CTBS: variants seen among roughly 807,000 people sequenced by gnomAD.
CTBS encodes chitobiase.
Under a neutral mutation model 44.3 loss-of-function variants are expected in CTBS, and 35 were observed. That is an observed-to-expected ratio of 0.79 (90% CI 0.60 to 1.05). The LOEUF (loss-of-function observed/expected upper bound fraction) is 1.05, where lower values mean the gene tolerates loss of function less well. CTBS is among the 50% of genes least tolerant of loss of function. CTBS has a pLI of 0.00. For missense variants in CTBS, 458 were observed against 475.3 expected (o/e 0.96, Z 0.34); for synonymous variants, 143 against 168.0 (o/e 0.85, Z 1.15).
At position 84,554,940 on chromosome 1, in the gene CTBS, A is replaced by G; in HGVS notation, c.*59T>C. The stretch of plus-strand genomic sequence containing the variant: ...TATAGCAACATAATAAAAATGCAAG[A>G]AACTAGATCTGTTGATACAGATCAT... On this transcript the variant is annotated 3_prime_UTR_variant, in exon 7 of 7. Coordinates refer to ENST00000370630, the MANE Select transcript of CTBS (RefSeq NM_004388.3). The G allele has an allele frequency of 2.2e-6, 3 of 1,357,886 alleles. No individual in the cohort carries two copies. In the South Asian group the frequency reaches 3.8e-5, roughly 17 times the overall value. 84.1% of individuals were successfully genotyped at this position (1,357,886 alleles called of 1,614,324 possible). A position where few individuals can be genotyped will look rare whatever the true frequency, so the allele number is the denominator to read the frequency against.
intron 1 of CTBS, chr1:84,573,852 TG>T: frequency 9.3e-7 from 1 of 1,074,914 alleles, no homozygotes; most frequent in Non-Finnish European, 1.1e-6. Context: ...AATGTACTGT[TG>T]GAGTGCTGAG....
intron 6 of CTBS, among the ~76,000 whole-genome samples, chr1:84,556,840 T>C (rs17374941): frequency 0.18 from 27,484 of 152,184 alleles, 2,764 homozygotes; most frequent in South Asian, 0.3. Context: ...TATATTCCAT[T>C]CTTTAACATT....
Position 84,563,272 on chromosome 1 carries a change from A to G in CTBS, c.942T>C (p.Pro314=). ...GNLWDKDQRA[P]YYNYKDPAGH... ...AAAGTCTTACTTTATAGTTATAATA[A>G]GGAGCCCGCTGATCTTTATCCCATA... The change falls in exon 6 of 7, where the codon CCT becomes CCC. Residue 314 remains proline (P), a synonymous_variant. Coordinates refer to ENST00000370630, the MANE Select transcript of CTBS (RefSeq NM_004388.3). 1 of 1,552,924 alleles carries G rather than the reference A, an allele frequency of 6.4e-7. No homozygotes were observed.
chr1:84,572,003 G>T (rs778976834), intron 1 of CTBS, among the ~76,000 whole-genome samples: 1 of 152,170 alleles, frequency 6.6e-6, no homozygotes, highest in South Asian at 2.1e-4. Context: ...ATGTGGAACT[G>T]GATAAAACCT....
rs1684267172 is a variant in CTBS, at chr1:84,551,391, TA to T, written c.*3607del. The T allele has an allele frequency of 1.2e-5, 8 of 695,176 alleles. No individual in the cohort carries two copies. The highest frequency in any genetic ancestry group is 1.4e-5 in the Non-Finnish European group (8 of 565,466). The allele number at this position is 695,176 out of a possible 1,614,324, so 43.1% of individuals were successfully genotyped here. A position where few individuals can be genotyped will look rare whatever the true frequency, so the allele number is the denominator to read the frequency against. ...AATAAAAATAAATAAAATTTAAAAATAAAAAAATAGAATTAGCACTGTCCAA... is the reference window on the plus strand; with the variant it reads ...AATAAAAATAAATAAAATTTAAAAATAAAAAATAGAATTAGCACTGTCCAA... On this transcript the variant is annotated 3_prime_UTR_variant, in exon 7 of 7. Coordinates refer to ENST00000370630, the MANE Select transcript of CTBS (RefSeq NM_004388.3).
At position 84,564,401 on chromosome 1, in the gene CTBS, C is replaced by A. The variant is rs918110005; in HGVS notation, c.698-569G>T. ...TGCAAAACATGTTTTTCCACCAAGA[C>A]ATATTCACAGATTACCTAGAATGTT... On this transcript the variant is annotated intron_variant, in intron 4 of 6. Transcript: ENST00000370630. 1.1e-4 allele frequency among the ~76,000 whole-genome samples: 16 copies of A among 152,288 alleles called. No individual in the cohort carries two copies. In the Middle Eastern group the frequency reaches 0.01, roughly 97 times the overall value.
At position 84,568,798 on chromosome 1, in the gene CTBS, C is replaced by T. The variant is rs534351774; in HGVS notation, c.525+1133G>A. Among the ~76,000 whole-genome samples the T allele has an allele frequency of 1.6e-4, 24 of 152,160 alleles. No individual in the cohort carries two copies. In the East Asian group the frequency reaches 4.5e-3, roughly 28 times the overall value. ...TGTTTAAAAGTGTGTGGCACCTCCC[C>T]ACCCTCTCTCTTTCTCCTTCTCTGG... On this transcript the variant is annotated intron_variant, in intron 3 of 6. Transcript: ENST00000370630.
chr1:84,559,691 TA>T (rs994367633), intron 6 of CTBS, among the ~76,000 whole-genome samples: 4 of 152,010 alleles, frequency 2.6e-5, no homozygotes, highest in African/African-American at 9.7e-5. Flanking sequence ...TTGCAATGAA[TA>T]AAAAAGAGGA....
intron 4 of CTBS, 110 bp from the exon 5 acceptor site, chr1:84,563,942 A>G: frequency 1.6e-6 from 2 of 1,237,656 alleles, no homozygotes; most frequent in Non-Finnish European, 2.1e-6. Context: ...TACATTTATA[A>G]AAAACACTAA....
chr1:84,562,763 C>T (rs1318702234), intron 6 of CTBS, among the ~76,000 whole-genome samples: 1 of 152,080 alleles, frequency 6.6e-6, no homozygotes, highest in African/African-American at 2.4e-5. Flanking sequence ...TTTGACATTG[C>T]TTTATAATTT....
chr1:84,550,618 T>C lies in CTBS; in HGVS notation c.*4381A>G, dbSNP rs1256424048. The stretch of plus-strand genomic sequence containing the variant: ...GTTTTAACTTTGGGTGTCAATAATA[T>C]AAGGGTAGCCAGGATTGACTGTATT... On this transcript the variant is annotated 3_prime_UTR_variant, in exon 7 of 7. Coordinates refer to ENST00000370630, the MANE Select transcript of CTBS (RefSeq NM_004388.3). 3.7e-6 allele frequency: 5 copies of C among 1,362,282 alleles called. No homozygotes were observed. The highest frequency in any genetic ancestry group is 3.8e-6 in the Non-Finnish European group (4 of 1,050,132). The allele number at this position is 1,362,282 out of a possible 1,614,324, so 84.4% of individuals were successfully genotyped here.
In CTBS at chr1:84,551,792, T is replaced by C. The variant is rs1000289753; in HGVS notation, c.*3207A>G. ...ATGAAGGAAAACTGTCTATTCAATA[T>C]ATGGAGATAAAGCCAATATGTAAAC... On this transcript the variant is annotated 3_prime_UTR_variant, in exon 7 of 7. Coordinates refer to ENST00000370630, the MANE Select transcript of CTBS (RefSeq NM_004388.3). The C allele has an allele frequency of 6.6e-6, 1 of 152,182 alleles. No individual in the cohort carries two copies. The highest frequency in any genetic ancestry group is 1.9e-4 in the East Asian group (1 of 5,196). The allele number at this position is 152,182 out of a possible 1,614,324, so 9.4% of individuals were successfully genotyped here. A position where few individuals can be genotyped will look rare whatever the true frequency, so the allele number is the denominator to read the frequency against.
chr1:84,574,144 G>T (rs767027591), intron 1 of CTBS, 95 bp downstream of exon 1: 10 of 1,534,952 alleles, frequency 6.5e-6, no homozygotes, highest in Admixed American at 2.0e-5. Flanking sequence ...AGCTGGTTTC[G>T]GCGCCCACGG....
intron 4 of CTBS, 24 bp from the exon 5 acceptor site, chr1:84,563,856 C>G (rs1487002353): frequency 6.3e-7 from 1 of 1,592,354 alleles, no homozygotes; most frequent in Admixed American, 1.8e-5. Context: ...AGAGAAAAAG[C>G]ATATTTGTTT....
rs577481759 is a variant in CTBS at position 84,551,457 on chromosome 1, T to C, written c.*3542A>G. The stretch of plus-strand genomic sequence containing the variant: ...TGATAGAAATGTTCTATGCCTGCAC[T>C]GTCAGATTGGTACCCACTAGCCACC... On this transcript the variant is annotated 3_prime_UTR_variant, in exon 7 of 7. Transcript: ENST00000370630. 3.9e-6 allele frequency: 1 copy of C among 258,352 alleles called. No individual in the cohort carries two copies. Among genetic ancestry groups the C allele is most frequent in the East Asian group, 1.8e-4 (1 of 5,634 alleles). The allele number at this position is 258,352 out of a possible 1,614,324, so 16.0% of individuals were successfully genotyped here. A position where few individuals can be genotyped will look rare whatever the true frequency, so the allele number is the denominator to read the frequency against.
At chr1:84,573,783 TTAAAG>T in intron 1 of CTBS, 1 of 627,942 alleles carries the variant, frequency 1.6e-6, no homozygotes, top group Non-Finnish European at 2.0e-6. Flanking sequence ...TTGAGGTACT[TTAAAG>T]GAAAGGGCTA....
rs1373463732 is a variant in CTBS, at chr1:84,549,887, T to C, written c.*5112A>G. 6.6e-6 allele frequency: 1 copy of C among 151,392 alleles called. No individual in the cohort carries two copies. Among genetic ancestry groups the C allele is most frequent in the Non-Finnish European group, 1.5e-5 (1 of 67,824 alleles). The allele number at this position is 151,392 out of a possible 1,614,324, so 9.4% of individuals were successfully genotyped here. A position where few individuals can be genotyped will look rare whatever the true frequency, so the allele number is the denominator to read the frequency against. On this transcript the variant is annotated 3_prime_UTR_variant, in exon 7 of 7. Coordinates refer to ENST00000370630, the MANE Select transcript of CTBS (RefSeq NM_004388.3). ...GTAGTTGGTACTTTTTTTTTTAGCA[T>C]AGCTTATACTTTATCTTACTGTTTA...
rs11801891 is a variant in CTBS at position 84,554,954 on chromosome 1, G to T, written c.*45C>A. On this transcript the variant is annotated 3_prime_UTR_variant, in exon 7 of 7. Coordinates refer to ENST00000370630, the MANE Select transcript of CTBS (RefSeq NM_004388.3). ...AAAAATGCAAGAAACTAGATCTGTT[G>T]ATACAGATCATCTTTCTAACTCTTA... 58,832 of 1,456,952 alleles carry T rather than the reference G, an allele frequency of 0.04. 2,972 individuals are homozygous for T. Among genetic ancestry groups the T allele is most frequent in the African/African-American group, 0.24 (17,041 of 72,012 alleles). 90.3% of individuals were successfully genotyped at this position (1,456,952 alleles called of 1,614,324 possible).
intron 3 of CTBS, among the ~76,000 whole-genome samples, chr1:84,568,267 A>G (rs1276168148): frequency 6.6e-6 from 1 of 152,222 alleles, no homozygotes; most frequent in African/African-American, 2.4e-5. Flanking sequence ...TATTCCACAC[A>G]TCAATTCTAA....
Sources: gnomAD v4.1 joint callset for allele counts (sites outside exome capture counted in the v4.1 genomes callset) on GRCh38, gnomAD v4.1.1 for gene constraint, MANE v1.5 for transcripts, NCBI Gene and HGNC (gene_info 2026-07-23, HGNC 2026-07-21) for gene names.